Variants in SPTLC2 observed in about 807,000 individuals in gnomAD.
SPTLC2 encodes serine palmitoyltransferase long chain base subunit 2.
A neutral mutation model predicts 62.0 loss-of-function variants in SPTLC2; 21 were observed. The ratio of observed to expected loss-of-function variants is 0.34; its 90% CI spans 0.24 to 0.49. The LOEUF (loss-of-function observed/expected upper bound fraction) is 0.49. Among genes scored for constraint, SPTLC2 ranks in the 20% least tolerant of loss-of-function variants. The pLI, the probability that SPTLC2 is intolerant of heterozygous loss-of-function variation, is 0.99. For synonymous variants in SPTLC2, 261 were observed against 261.8 expected, an observed-to-expected ratio of 1.00 and a Z score of 0.03; for missense variants, 511 against 713.0, an observed-to-expected ratio of 0.72 and a Z score of 3.23.
At chr14:77,607,118 GAAGT>G (rs2079909772) in intron 1 of SPTLC2, among the ~76,000 whole-genome samples, 1 of 152,152 alleles carries the variant, frequency 6.6e-6, no homozygotes, top group East Asian at 1.9e-4. Flanking sequence ...AATATAAAAG[GAAGT>G]AAGGAAATCA....
intron 5 of SPTLC2, among the ~76,000 whole-genome samples, chr14:77,564,179 C>T (rs1474757972): frequency 2.1e-5 from 3 of 143,044 alleles, no homozygotes; most frequent in African/African-American, 7.8e-5. Context: ...AGGCAGTGAG[C>T]CGAAATTGTG....
intron 4 of SPTLC2, among the ~76,000 whole-genome samples, chr14:77,572,458 T>C (rs1326293902): frequency 2.0e-5 from 3 of 152,210 alleles, no homozygotes; most frequent in African/African-American, 7.2e-5. Context: ...CCCAGAAGAA[T>C]GTGACCTTCT....
rs1252878083 is a variant in SPTLC2 at position 77,578,978 on chromosome 14, A to T, written c.459T>A (p.Ser153=). The change falls in exon 3 of 12, where the codon TCT becomes TCA. Residue 153 remains serine (S), a synonymous_variant. Transcript: ENST00000216484. ...ACTTGAAGGACCAGTTATAATCATG[A>T]GACTGTCTCTCCATGATGTCCACCC... The part of the protein sequence containing the change: ...GARVDIMERQ[S]HDYNWSFKYT... 3.7e-6 allele frequency: 6 copies of T among 1,614,102 alleles called. No homozygotes were observed. The highest frequency in any genetic ancestry group is 5.1e-6 in the Non-Finnish European group (6 of 1,180,012).
At chr14:77,531,794 G>T (rs1003341294) in intron 9 of SPTLC2, among the ~76,000 whole-genome samples, 5 of 152,136 alleles carry the variant, frequency 3.3e-5, no homozygotes, top group African/African-American at 1.2e-4. Flanking sequence ...TTACAGGCGT[G>T]AGCCACTGCA....
chr14:77,553,291 A>C (rs1294478174), intron 8 of SPTLC2, among the ~76,000 whole-genome samples: 1 of 152,258 alleles, frequency 6.6e-6, no homozygotes, highest in Admixed American at 6.5e-5. Context: ...TACTAAAAAA[A>C]CCAAAAGCAC....
At chr14:77,595,941 A>C (rs758773898) in intron 2 of SPTLC2, among the ~76,000 whole-genome samples, 2 of 152,212 alleles carry the variant, frequency 1.3e-5, no homozygotes, top group Non-Finnish European at 2.9e-5. Context: ...TAGTAAAATT[A>C]GGCATCTTTA....
At chr14:77,554,448 A>C (rs186181792) in intron 8 of SPTLC2, among the ~76,000 whole-genome samples, 9 of 152,164 alleles carry the variant, frequency 5.9e-5, no homozygotes, top group East Asian at 3.9e-4. Flanking sequence ...GGCAACTACT[A>C]ATCTACTTTC....
chr14:77,544,752 G>C (rs1411162249), intron 9 of SPTLC2, among the ~76,000 whole-genome samples: 1 of 152,118 alleles, frequency 6.6e-6, no homozygotes, highest in Admixed American at 6.5e-5. Context: ...CTGACGTTGC[G>C]CCTCCTTCTC....
intron 2 of SPTLC2, among the ~76,000 whole-genome samples, chr14:77,579,876 G>A (rs2079738314): frequency 6.6e-6 from 1 of 152,282 alleles, no homozygotes. Context: ...TCAAATAACT[G>A]ACTTCATGAA....
rs769743309 is a variant in SPTLC2 at position 77,554,374 on chromosome 14, AC to A, written c.1176+925del. On this transcript the variant is annotated intron_variant, in intron 8 of 11. Coordinates refer to ENST00000216484, the MANE Select transcript of SPTLC2 (RefSeq NM_004863.4). ...CCACTAATTTTAGAACATTTCCATA[AC>A]CCTGAAAGGAAACCTCATACCCATT... Among the ~76,000 whole-genome samples, 201 of 152,238 alleles carry A rather than the reference AC, an allele frequency of 1.3e-3. 1 individual carries two copies. Among genetic ancestry groups the A allele is most frequent in the Non-Finnish European group, 2.1e-3 (145 of 68,014 alleles).
intron 2 of SPTLC2, among the ~76,000 whole-genome samples, chr14:77,580,477 CAAA>C (rs370432060): frequency 9.1e-6 from 1 of 109,870 alleles, no homozygotes. Flanking sequence ...GACTCCATAT[CAAA>C]AAAAAAAAAA....
In SPTLC2 at chr14:77,509,822, C is replaced by G; in HGVS notation, c.*2462G>C. The G allele has an allele frequency of 2.5e-6, 1 of 398,258 alleles. No individual in the cohort carries two copies. 24.7% of individuals were successfully genotyped at this position (398,258 alleles called of 1,614,324 possible). A position where few individuals can be genotyped will look rare whatever the true frequency, so the allele number is the denominator to read the frequency against. ...CCTGCATAGATCACAGGAGATTTGT[C>G]TCTTCAAAATAAACTTGTAACAAAA... On this transcript the variant is annotated 3_prime_UTR_variant, in exon 12 of 12. Transcript: ENST00000216484.
At chr14:77,567,471 T>C (rs753483183) in intron 5 of SPTLC2, among the ~76,000 whole-genome samples, 9 of 152,260 alleles carry the variant, frequency 5.9e-5, no homozygotes, top group Non-Finnish European at 1.2e-4. Context: ...CAAAGAACCA[T>C]ACATTTATGT....
At chr14:77,537,448 A>G (rs1307627396) in intron 9 of SPTLC2, among the ~76,000 whole-genome samples, 2 of 152,222 alleles carry the variant, frequency 1.3e-5, no homozygotes, top group African/African-American at 2.4e-5. Context: ...AACTCTGAGG[A>G]CAAATACTGT....
chr14:77,530,787 C>T (rs1182767274), intron 9 of SPTLC2, among the ~76,000 whole-genome samples: 1 of 152,036 alleles, frequency 6.6e-6, no homozygotes, highest in African/African-American at 2.4e-5. Context: ...GTTTCAAAGA[C>T]TGGACTTTGA....
intron 11 of SPTLC2, among the ~76,000 whole-genome samples, chr14:77,517,836 G>A (rs552802207): frequency 3.9e-5 from 6 of 151,924 alleles, no homozygotes; most frequent in East Asian, 3.9e-4. Context: ...AGACAAAGCC[G>A]GAAAATTCTC....
chr14:77,580,061 A>C (rs960063487), intron 2 of SPTLC2, among the ~76,000 whole-genome samples: 1 of 152,188 alleles, frequency 6.6e-6, no homozygotes, highest in Non-Finnish European at 1.5e-5. Flanking sequence ...AAAACCACAT[A>C]ATTCCAATTT....
chr14:77,570,222 C>CAA (rs35086251), intron 5 of SPTLC2, among the ~76,000 whole-genome samples, 162 bp downstream of exon 5: 1,695 of 111,284 alleles, frequency 0.015, 28 homozygotes, highest in African/African-American at 0.041. Context: ...GACTCCATCT[C>CAA]AAAAAAAAAA....
At chr14:77,566,608 G>A (rs947878587) in intron 5 of SPTLC2, among the ~76,000 whole-genome samples, 1 of 152,090 alleles carries the variant, frequency 6.6e-6, no homozygotes, top group Non-Finnish European at 1.5e-5. Context: ...TGGGACCACA[G>A]GCGCCTGCCA....
Sources: gnomAD v4.1 joint callset for allele counts (sites outside exome capture counted in the v4.1 genomes callset) on GRCh38, gnomAD v4.1.1 for gene constraint, MANE v1.5 for transcripts, NCBI Gene and HGNC (gene_info 2026-07-23, HGNC 2026-07-21) for gene names.